Variants in ADAMTSL1 observed in about 807,000 individuals in gnomAD.
ADAMTSL1 encodes the protein ADAMTS like 1.
In ADAMTSL1, 126 loss-of-function variants were observed where a neutral mutation model predicts 201.8. That is an observed-to-expected ratio of 0.62 (90% CI 0.54 to 0.72). The LOEUF is 0.72. ADAMTSL1 is among the 30% of genes least tolerant of loss of function. ADAMTSL1 has a pLI of 0.00. For synonymous variants in ADAMTSL1, 1,121 were observed against 903.4 expected (o/e 1.24, Z -4.32); for missense variants, 2,679 against 2,277.8 (o/e 1.18, Z -3.59).
chr9:18,901,169 A>ATAAAG (rs1829997023), intron 26 of ADAMTSL1, among the ~76,000 whole-genome samples: 1 of 152,012 alleles, frequency 6.6e-6, no homozygotes, highest in Admixed American at 6.6e-5. Context: ...AAGAAAAATT[A>ATAAAG]TAAAGTACAG....
chr9:18,135,194 T>A (rs1424318196), intron 1 of ADAMTSL1, among the ~76,000 whole-genome samples: 2 of 152,172 alleles, frequency 1.3e-5, no homozygotes, highest in African/African-American at 4.8e-5. Flanking sequence ...CTGCTCTAGT[T>A]AAGTAAAAAA....
intron 2 of ADAMTSL1, among the ~76,000 whole-genome samples, chr9:18,522,648 T>A (rs781296914): frequency 4.8e-5 from 7 of 144,680 alleles, no homozygotes; most frequent in Non-Finnish European, 1.1e-4. Flanking sequence ...TGTCCAAGTG[T>A]TCTCACTGTT....
intron 2 of ADAMTSL1, among the ~76,000 whole-genome samples, chr9:18,448,860 C>T (rs773988137): frequency 6.6e-6 from 1 of 151,934 alleles, no homozygotes; most frequent in Non-Finnish European, 1.5e-5. Flanking sequence ...TTAAAAAATG[C>T]TCTATGGTTA....
chr9:18,888,187 G>C, intron 24 of ADAMTSL1, 144 bp downstream of exon 24: 3 of 834,732 alleles, frequency 3.6e-6, no homozygotes, highest in South Asian at 3.6e-5. Context: ...TTTCCATACA[G>C]TGAGACCCTA....
intron 1 of ADAMTSL1, among the ~76,000 whole-genome samples, chr9:18,161,237 A>G (rs1168635701): frequency 1.4e-4 from 21 of 151,940 alleles, no homozygotes; most frequent in Admixed American, 1.1e-3. Flanking sequence ...CAGCCTTTAT[A>G]TTTGATGTCT....
At chr9:18,106,519 A>G (rs987662659) in intron 1 of ADAMTSL1, among the ~76,000 whole-genome samples, 1 of 152,228 alleles carries the variant, frequency 6.6e-6, no homozygotes, top group African/African-American at 2.4e-5. Flanking sequence ...CCAAATAAGC[A>G]GGGCATACTA....
At chr9:18,401,903 A>G (rs1818001697) in intron 2 of ADAMTSL1, among the ~76,000 whole-genome samples, 1 of 152,206 alleles carries the variant, frequency 6.6e-6, no homozygotes, top group South Asian at 2.1e-4. Flanking sequence ...AGGCTTCATG[A>G]CCAGCATTTC....
At chr9:17,971,533 GAACA>G (rs1563926092) in intron 1 of ADAMTSL1, among the ~76,000 whole-genome samples, 2 of 151,526 alleles carry the variant, frequency 1.3e-5, no homozygotes, top group Admixed American at 6.6e-5. Flanking sequence ...TTCACAGAGA[GAACA>G]ATCATAATTC....
At chr9:18,162,523 A>G (rs1309282587) in intron 1 of ADAMTSL1, among the ~76,000 whole-genome samples, 1 of 152,000 alleles carries the variant, frequency 6.6e-6, no homozygotes, top group Non-Finnish European at 1.5e-5. Flanking sequence ...TAACAACAGA[A>G]TTTTAAGTTT....
chr9:18,138,881 T>A lies in ADAMTSL1; in HGVS notation c.88-24981T>A, dbSNP rs369980847. ...GTGGATTGCACCATAGCCATAAGCC[T>A]CTTGCATGCCCTCATGAGTTTAAAG... On this transcript the variant is annotated intron_variant, in intron 1 of 29. Coordinates refer to the ADAMTSL1 transcript ENST00000680146. Among the ~76,000 whole-genome samples the A allele has an allele frequency of 9.2e-5, 14 of 152,214 alleles. No individual in the cohort carries two copies. The East Asian group carries it at 2.7e-3, about 30-fold the overall frequency.
chr9:18,584,394 G>A (rs773725277), intron 4 of ADAMTSL1, among the ~76,000 whole-genome samples: 8 of 151,968 alleles, frequency 5.3e-5, no homozygotes, highest in South Asian at 2.1e-4. Flanking sequence ...GGAACTGTAA[G>A]TCCAATAAAC....
chr9:18,862,660 A>C (rs7862903), intron 23 of ADAMTSL1, among the ~76,000 whole-genome samples: 27,571 of 152,118 alleles, frequency 0.18, 5,588 homozygotes, highest in African/African-American at 0.5. Flanking sequence ...ACTCTCCTCA[A>C]AAGTATGGTA....
intron 13 of ADAMTSL1, among the ~76,000 whole-genome samples, chr9:18,694,924 C>G (rs754473345): frequency 6.6e-6 from 1 of 152,258 alleles, no homozygotes; most frequent in Non-Finnish European, 1.5e-5. Flanking sequence ...CCTCTGAAAT[C>G]TAGGCAGAGC....
chr9:18,003,282 A>C (rs1819687298), intron 1 of ADAMTSL1, among the ~76,000 whole-genome samples: 1 of 151,984 alleles, frequency 6.6e-6, no homozygotes, highest in African/African-American at 2.4e-5. Flanking sequence ...TCCATGAAGC[A>C]GCATGAGAGT....
intron 23 of ADAMTSL1, among the ~76,000 whole-genome samples, 172 bp downstream of exon 23, chr9:18,830,149 A>G (rs1317795589): frequency 6.6e-6 from 1 of 152,212 alleles, no homozygotes; most frequent in African/African-American, 2.4e-5. Flanking sequence ...GACTTTCCAT[A>G]TGAGGTGAAT....
At chr9:17,973,979 T>C (rs1433956230) in intron 1 of ADAMTSL1, among the ~76,000 whole-genome samples, 1 of 151,692 alleles carries the variant, frequency 6.6e-6, no homozygotes, top group African/African-American at 2.4e-5. Context: ...CTGTTATTGG[T>C]GTATAAGAAT....
chr9:18,178,192 G>T (rs1383470250), intron 2 of ADAMTSL1, among the ~76,000 whole-genome samples: 1 of 152,198 alleles, frequency 6.6e-6, no homozygotes. Flanking sequence ...GCCGAAGCAG[G>T]GCGAGGCATT....
chr9:18,844,656 G>A lies in ADAMTSL1; in HGVS notation c.4249+14679G>A, dbSNP rs562815482. ...GTCCCCAGAGGTGGAGCCTACAGAG[G>A]CAGGCAGGCCTCCTTGAGCTGTGGT... On this transcript the variant is annotated intron_variant, in intron 23 of 28. Transcript: ENST00000380548. Among the ~76,000 whole-genome samples, 323 of 152,358 alleles carry A rather than the reference G, an allele frequency of 2.1e-3. 1 individual carries two copies. The highest frequency in any genetic ancestry group is 7.5e-3 in the African/African-American group (311 of 41,588).
At chr9:18,466,662 T>G (rs1821017442) in intron 2 of ADAMTSL1, among the ~76,000 whole-genome samples, 1 of 152,154 alleles carries the variant, frequency 6.6e-6, no homozygotes, top group Non-Finnish European at 1.5e-5. Context: ...TAAAATGAAC[T>G]ATACTACAAA....
Sources: gnomAD v4.1 joint callset for allele counts (sites outside exome capture counted in the v4.1 genomes callset) on GRCh38, gnomAD v4.1.1 for gene constraint, MANE v1.5 for transcripts, NCBI Gene and HGNC (gene_info 2026-07-23, HGNC 2026-07-21) for gene names.